Variants in GLRA3 observed in about 807,000 individuals in gnomAD.
GLRA3 encodes glycine receptor subunit alpha-3.
A neutral mutation model predicts 60.4 loss-of-function variants in GLRA3; 44 were observed. The observed-to-expected ratio is 0.73, with a 90% confidence interval of 0.57 to 0.94. The LOEUF (loss-of-function observed/expected upper bound fraction) is 0.94, where lower values mean the gene tolerates loss of function less well. Among genes scored for constraint, GLRA3 ranks in the 40% least tolerant of loss-of-function variants. The pLI is 0.00. For synonymous variants in GLRA3, 223 were observed against 192.9 expected (o/e 1.16, Z -1.29); for missense variants, 508 against 564.6 (o/e 0.90, Z 1.02).
intron 5 of GLRA3, among the ~76,000 whole-genome samples, chr4:174,708,252 A>G (rs1561069027): frequency 6.6e-6 from 1 of 152,144 alleles, no homozygotes; most frequent in Non-Finnish European, 1.5e-5. Context: ...CTTTTGCCTT[A>G]GCTAATTTAG....
chr4:174,763,465 T>G (rs1738014562), intron 3 of GLRA3, among the ~76,000 whole-genome samples: 1 of 152,246 alleles, frequency 6.6e-6, no homozygotes, highest in Non-Finnish European at 1.5e-5. Flanking sequence ...TCTTTTGTTC[T>G]GTGGACACCC....
chr4:174,637,937 G>T lies in GLRA3; in HGVS notation c.*5849C>A, dbSNP rs1561025376. 6.6e-6 allele frequency: 1 copy of T among 151,436 alleles called. No individual in the cohort carries two copies. The highest frequency in any genetic ancestry group is 6.6e-5 in the Admixed American group (1 of 15,234). The allele number at this position is 151,436 out of a possible 1,614,324, so 9.4% of individuals were successfully genotyped here. ...ATAAGCCTGAAAATATCTCATCATT[G>T]TTTAACACTTACAATGCTCTCATGA... On this transcript the variant is annotated 3_prime_UTR_variant, in exon 10 of 10. Transcript: ENST00000274093.
chr4:174,760,596 C>A (rs1173212126), intron 3 of GLRA3, among the ~76,000 whole-genome samples: 1 of 152,082 alleles, frequency 6.6e-6, no homozygotes. Flanking sequence ...TTTCAGCTGG[C>A]TGCAAACTCC....
At chr4:174,742,862 G>T (rs1370679269) in intron 3 of GLRA3, among the ~76,000 whole-genome samples, 1 of 152,140 alleles carries the variant, frequency 6.6e-6, no homozygotes, top group Admixed American at 6.5e-5. Flanking sequence ...TGGTGGAGAA[G>T]GATGATACCA....
At chr4:174,692,127 T>C (rs1384315096) in intron 5 of GLRA3, among the ~76,000 whole-genome samples, 1 of 150,894 alleles carries the variant, frequency 6.6e-6, no homozygotes, top group African/African-American at 2.4e-5. Context: ...AACTGCCCCG[T>C]CTGAGAAGTG....
chr4:174,649,996 T>C (rs1732970529), intron 9 of GLRA3, among the ~76,000 whole-genome samples: 1 of 152,066 alleles, frequency 6.6e-6, no homozygotes, highest in Admixed American at 6.6e-5. Flanking sequence ...TTTTAATAAG[T>C]GATACTTTCC....
intron 3 of GLRA3, among the ~76,000 whole-genome samples, chr4:174,764,544 C>CAG (rs3059135): frequency 0.76 from 112,788 of 149,092 alleles, 42,595 homozygotes; most frequent in East Asian, 1. Context: ...GCCTGTGCGA[C>CAG]AGACTCCGTC....
At chr4:174,693,837 G>A (rs1334766378) in intron 5 of GLRA3, among the ~76,000 whole-genome samples, 1 of 152,062 alleles carries the variant, frequency 6.6e-6, no homozygotes, top group Non-Finnish European at 1.5e-5. Context: ...CTGTCCTCAA[G>A]AGACCAATCT....
At chr4:174,726,353 C>A (rs1023833422) in intron 4 of GLRA3, among the ~76,000 whole-genome samples, 1 of 152,098 alleles carries the variant, frequency 6.6e-6, no homozygotes, top group African/African-American at 2.4e-5. Context: ...GTGATGGTAC[C>A]TCAATACCAC....
At chr4:174,720,759 G>A (rs1463491586) in intron 4 of GLRA3, among the ~76,000 whole-genome samples, 3 of 152,170 alleles carry the variant, frequency 2.0e-5, no homozygotes, top group Non-Finnish European at 4.4e-5. Flanking sequence ...GTCAGTGGTA[G>A]AGAGTTAAAT....
chr4:174,720,302 C>G (rs1436558916), intron 4 of GLRA3, among the ~76,000 whole-genome samples: 1 of 152,120 alleles, frequency 6.6e-6, no homozygotes, highest in Non-Finnish European at 1.5e-5. Context: ...CCATGCAGTA[C>G]AGGTTTATGG....
intron 5 of GLRA3, chr4:174,713,745 G>C (rs2200459): frequency 1.3e-5 from 2 of 152,008 alleles, no homozygotes; most frequent in African/African-American, 4.8e-5. Flanking sequence ...TTTCTTAAGC[G>C]TCTGTTCTTG....
intron 1 of GLRA3, among the ~76,000 whole-genome samples, chr4:174,822,701 T>C (rs899273062): frequency 1.3e-5 from 2 of 152,204 alleles, no homozygotes; most frequent in African/African-American, 2.4e-5. Flanking sequence ...TTGGCCATAA[T>C]TCCTGATTGG....
intron 2 of GLRA3, among the ~76,000 whole-genome samples, chr4:174,773,818 A>C (rs548610543): frequency 6.6e-6 from 1 of 152,092 alleles, no homozygotes; most frequent in Non-Finnish European, 1.5e-5. Context: ...CAAATGCTGC[A>C]CTAAAGTCAT....
rs1190209804 is a variant in GLRA3, at chr4:174,788,855, T to G, written c.160A>C (p.Thr54Pro). The change falls in exon 2 of 10, where the codon ACA (threonine) becomes CCA (proline). Residue 54 changes from threonine to proline, a missense_variant. Around this residue, in one of 3 missense-constraint regions of GLRA3, gnomAD observed 329 missense variants for 349.3 expected, o/e 0.94. Coordinates refer to ENST00000274093, the MANE Select transcript of GLRA3 (RefSeq NM_006529.4). ...CTGATTCTTGCATCATATCCTGATG[T>G]CCTGCCCATTAATTTATCCAGAAAA... is the stretch of plus-strand genomic sequence containing the variant. ...SDFLDKLMGR[T>P]SGYDARIRPN... is the part of the protein sequence containing the mutation. 2.5e-6 allele frequency: 4 copies of G among 1,608,282 alleles called. No homozygotes were observed. In the South Asian group the frequency reaches 3.3e-5, roughly 13 times the overall value.
Position 174,828,701 on chromosome 4 carries a change from C to T in GLRA3, c.71+40G>A, listed in dbSNP as rs763396721. On this transcript the variant is annotated intron_variant, in intron 1 of 9. Transcript: ENST00000274093. ...AAGTGGTTGCAACGTAATGCACAGG[C>T]TTAATGAGTTCTCCGACTGTTAAAT... is the stretch of plus-strand genomic sequence containing the variant. 7 of 1,302,722 alleles carry T rather than the reference C, an allele frequency of 5.4e-6. No homozygotes were observed. In the South Asian group the frequency reaches 7.1e-5, roughly 13 times the overall value. 80.7% of individuals were successfully genotyped at this position (1,302,722 alleles called of 1,614,324 possible).
Position 174,728,566 on chromosome 4 carries a change from C to A in GLRA3, c.400G>T (p.Ala134Ser), listed in dbSNP as rs1343693857. ...TGAAAGTTGGCACCCTTTTCATTGG[C>A]AAAGAACAAATCAGGTTTCCAAATG... ...DSIWKPDLFF[A>S]NEKGANFHEV... Residue 134 changes from alanine to serine, a missense_variant, in exon 4 of 10, where the codon GCC (alanine) becomes TCC (serine). By Grantham distance (99) the Ala-to-Ser change is moderately conservative. Transcript: ENST00000274093. 4 of 1,613,162 alleles carry A rather than the reference C, an allele frequency of 2.5e-6. No individual in the cohort carries two copies. Among genetic ancestry groups the A allele is most frequent in the Non-Finnish European group, 3.4e-6 (4 of 1,179,328 alleles).
rs1236792961 is a variant in GLRA3 at position 174,771,859 on chromosome 4, T to G, written c.200-4829A>C. 2.0e-5 allele frequency among the ~76,000 whole-genome samples: 3 copies of G among 152,308 alleles called. No homozygotes were observed. The East Asian group carries it at 5.8e-4, about 29-fold the overall frequency. ...CTTTTAAATTTAATTAGTTTCTATA[T>G]ATTTATGGACAATTGTGGTGAAAGA... On this transcript the variant is annotated intron_variant, in intron 2 of 9. Coordinates refer to ENST00000274093, the MANE Select transcript of GLRA3 (RefSeq NM_006529.4).
chr4:174,648,804 A>T (rs1279348372), intron 9 of GLRA3, among the ~76,000 whole-genome samples: 2 of 152,160 alleles, frequency 1.3e-5, no homozygotes, highest in Non-Finnish European at 2.9e-5. Context: ...TCATGGCCAG[A>T]GGTACATCTA....
Sources: gnomAD v4.1 joint callset for allele counts (sites outside exome capture counted in the v4.1 genomes callset) on GRCh38, gnomAD v4.1.1 for gene constraint, gnomAD v4.1.1 regional missense constraint, MANE v1.5 for transcripts, NCBI Gene and HGNC (gene_info 2026-07-23, HGNC 2026-07-21) for gene names.